The following MFSD8 variants were observed in gnomAD, a reference collection of about 807,000 sequenced individuals.
MFSD8 encodes major facilitator superfamily domain-containing protein 8.
A neutral mutation model predicts 66.4 loss-of-function variants in MFSD8; 55 were observed. The observed-to-expected ratio is 0.83, with a 90% CI of 0.67 to 1.04. The LOEUF is 1.04. Ranked by LOEUF, MFSD8 falls within the 50% of genes least tolerant of loss-of-function variation. The pLI is 0.00. For missense variants in MFSD8, 550 were observed against 627.6 expected (o/e 0.88, Z 1.32); for synonymous variants, 202 against 212.8 (o/e 0.95, Z 0.44).
chr4:127,935,326 T>C (rs945458222), intron 7 of MFSD8, among the ~76,000 whole-genome samples: 3 of 152,202 alleles, frequency 2.0e-5, no homozygotes, highest in Non-Finnish European at 4.4e-5. Flanking sequence ...TCATAATATG[T>C]GGTTAGTTTC....
intron 2 of MFSD8, among the ~76,000 whole-genome samples, chr4:127,953,615 G>A (rs946262140): frequency 1.4e-4 from 17 of 125,380 alleles, no homozygotes; most frequent in Admixed American, 8.7e-4. Flanking sequence ...GTGCAGTGGT[G>A]TGATCTTGGC....
chr4:127,955,626 A>G (rs1333860245), intron 2 of MFSD8, among the ~76,000 whole-genome samples: 1 of 151,690 alleles, frequency 6.6e-6, no homozygotes, highest in East Asian at 1.9e-4. Context: ...CATATTAATT[A>G]TCTCAAACTG....
At chr4:127,964,605 C>T in intron 1 of MFSD8, 2 of 181,888 alleles carry the variant, frequency 1.1e-5, no homozygotes, top group South Asian at 1.9e-4. Flanking sequence ...CCCCGGTTCC[C>T]GCTCACGCCT....
chr4:127,946,189 C>T (rs755197896), intron 3 of MFSD8, among the ~76,000 whole-genome samples: 21 of 152,114 alleles, frequency 1.4e-4, no homozygotes, highest in Middle Eastern at 3.4e-3. Context: ...CCTCCCAAAG[C>T]GCTGGGATTA....
At chr4:127,941,104 A>G (rs2148912160) in intron 5 of MFSD8, among the ~76,000 whole-genome samples, 1 of 152,282 alleles carries the variant, frequency 6.6e-6, no homozygotes, top group Middle Eastern at 3.4e-3. Flanking sequence ...GTAAATAAAG[A>G]CTCAAACCAT....
At chr4:127,932,719 T>C in intron 8 of MFSD8, 1 of 318,868 alleles carries the variant, frequency 3.1e-6, no homozygotes, top group South Asian at 3.5e-5. Context: ...TAACTGTATT[T>C]ATCATAAAAC....
chr4:127,957,718 T>C lies in MFSD8; in HGVS notation c.63-126A>G, dbSNP rs558501818. 1.8e-5 allele frequency: 12 copies of C among 671,446 alleles called. No homozygotes were observed. The East Asian group carries it at 2.4e-4, about 13-fold the overall frequency. 41.6% of individuals were successfully genotyped at this position (671,446 alleles called of 1,614,324 possible). A position where few individuals can be genotyped will look rare whatever the true frequency, so the allele number is the denominator to read the frequency against. Reference sequence around the variant, plus strand: ...AGGTAGAATTTACCAATATTGATTCTGCTACACTAATTTATCTATGAATAA... The same window carrying C: ...AGGTAGAATTTACCAATATTGATTCCGCTACACTAATTTATCTATGAATAA... On this transcript the variant is annotated intron_variant, in intron 1 of 11. Coordinates refer to ENST00000641686, the MANE Select transcript of MFSD8 (RefSeq NM_001371596.2).
chr4:127,932,348 T>C (rs1450600022), intron 8 of MFSD8: 2 of 152,182 alleles, frequency 1.3e-5, no homozygotes, highest in Non-Finnish European at 2.9e-5. Context: ...GTTTAATAGA[T>C]ACATGTATAT....
In MFSD8 at chr4:127,920,482, C is replaced by T. The variant is rs2148836279; in HGVS notation, c.*148G>A. ...TATTCACAATGACATGTAGAATTCT[C>T]TCTGTTATTCAACATATGTTCTTGT... On this transcript the variant is annotated 3_prime_UTR_variant, in exon 12 of 12. Coordinates refer to ENST00000641686, the MANE Select transcript of MFSD8 (RefSeq NM_001371596.2). The T allele has an allele frequency of 3.9e-6, 3 of 763,868 alleles. No individual in the cohort carries two copies. In the East Asian group the frequency reaches 7.7e-5, roughly 19 times the overall value. The allele number at this position is 763,868 out of a possible 1,614,324, so 47.3% of individuals were successfully genotyped here. A position where few individuals can be genotyped will look rare whatever the true frequency, so the allele number is the denominator to read the frequency against.
chr4:127,958,504 G>A (rs1743246228), intron 1 of MFSD8, among the ~76,000 whole-genome samples: 1 of 151,740 alleles, frequency 6.6e-6, no homozygotes, highest in African/African-American at 2.4e-5. Flanking sequence ...AAAGAGGAAA[G>A]GAAGAAGAGA....
At chr4:127,961,237 T>C (rs540745693) in intron 1 of MFSD8, among the ~76,000 whole-genome samples, 1 of 149,394 alleles carries the variant, frequency 6.7e-6, no homozygotes, top group East Asian at 2.1e-4. Context: ...CTAGGGAATA[T>C]ACTTGTTTTT....
intron 7 of MFSD8, among the ~76,000 whole-genome samples, chr4:127,934,966 A>T (rs917959386): frequency 6.6e-6 from 1 of 152,052 alleles, no homozygotes; most frequent in African/African-American, 2.4e-5. Context: ...GGCTTTCCTA[A>T]GATGCAGTAA....
chr4:127,938,220 A>G (rs1452454677), intron 7 of MFSD8, among the ~76,000 whole-genome samples: 1 of 152,212 alleles, frequency 6.6e-6, no homozygotes, highest in East Asian at 1.9e-4. Context: ...GCTCTCTGAA[A>G]ATAAGACAAA....
At chr4:127,935,389 T>C (rs1738895303) in intron 7 of MFSD8, among the ~76,000 whole-genome samples, 2 of 152,224 alleles carry the variant, frequency 1.3e-5, no homozygotes, top group Non-Finnish European at 2.9e-5. Context: ...AAATGTTGCA[T>C]CCTAGACTAT....
At chr4:127,927,047 A>G (rs1029609117) in intron 9 of MFSD8, among the ~76,000 whole-genome samples, 1 of 152,220 alleles carries the variant, frequency 6.6e-6, no homozygotes, top group Non-Finnish European at 1.5e-5. Context: ...GAGATATCCA[A>G]CACTTTATTA....
chr4:127,944,448 T>A (rs922623684), intron 3 of MFSD8, among the ~76,000 whole-genome samples: 1 of 152,140 alleles, frequency 6.6e-6, no homozygotes, highest in African/African-American at 2.4e-5. Flanking sequence ...ATAAAGAAGA[T>A]AATAAAAACA....
intron 1 of MFSD8, chr4:127,964,817 C>T: frequency 3.4e-6 from 2 of 594,570 alleles, no homozygotes; most frequent in Non-Finnish European, 6.0e-6. Flanking sequence ...GGTGCTGCAA[C>T]AGGCAAAGCA....
At chr4:127,936,002 C>T (rs973620321) in intron 7 of MFSD8, among the ~76,000 whole-genome samples, 1 of 151,882 alleles carries the variant, frequency 6.6e-6, no homozygotes, top group Non-Finnish European at 1.5e-5. Context: ...TACAGGAGAC[C>T]CAGTTAAATT....
At chr4:127,940,223 A>G (rs1291819961) in intron 5 of MFSD8, among the ~76,000 whole-genome samples, 1 of 152,064 alleles carries the variant, frequency 6.6e-6, no homozygotes, top group East Asian at 1.9e-4. Flanking sequence ...TAAAAGATAT[A>G]TGACACATCT....
Sources: allele counts gnomAD v4.1 joint callset (sites outside exome capture counted in the v4.1 genomes callset), GRCh38; gene constraint gnomAD v4.1.1; transcripts MANE v1.5; gene names NCBI Gene and HGNC (gene_info 2026-07-23, HGNC 2026-07-21).